The following COL25A1 variants were observed in gnomAD, a reference collection of about 807,000 sequenced individuals.
The protein encoded by COL25A1 is collagen type XXV alpha 1 chain.
A neutral mutation model predicts 128.4 loss-of-function variants in COL25A1; 103 were observed. The ratio of observed to expected loss-of-function variants is 0.80; its 90% CI spans 0.68 to 0.94. COL25A1 has a LOEUF of 0.94. Ranked by LOEUF, COL25A1 falls within the 40% of genes least tolerant of loss-of-function variation. The pLI is 0.00. For synonymous variants in COL25A1, 279 were observed against 277.2 expected (o/e 1.01, Z -0.06); for missense variants, 745 against 840.0 (o/e 0.89, Z 1.40).
At position 109,141,000 on chromosome 4, in the gene COL25A1, T is replaced by A. The variant is rs560412075; in HGVS notation, c.368-90821A>T. Among the ~76,000 whole-genome samples the A allele has an allele frequency of 1.0e-3, 155 of 152,256 alleles. 2 individuals are homozygous for A. The South Asian group carries it at 0.025, about 24-fold the overall frequency. On this transcript the variant is annotated intron_variant, in intron 3 of 37. Transcript: ENST00000399132. ...ATAGGAGTGGTGAGAGAGGACATCC[T>A]TATCTTGTGCCAGTTTTCAAAGGGA...
In COL25A1 at chr4:109,292,786, A is replaced by G. The variant is rs1560991322; in HGVS notation, c.367+7797T>C. Among the ~76,000 whole-genome samples, 5 of 152,070 alleles carry G rather than the reference A, an allele frequency of 3.3e-5. No individual in the cohort carries two copies. In the South Asian group the frequency reaches 8.3e-4, roughly 25 times the overall value. On this transcript the variant is annotated intron_variant, in intron 3 of 37. Coordinates refer to ENST00000399132, the MANE Select transcript of COL25A1 (RefSeq NM_198721.4). ...CCACTTGATTCCCAATCAAGTTGAT[A>G]ACCATCCTGAGAAAAGCAGTTATTT...
intron 3 of COL25A1, among the ~76,000 whole-genome samples, chr4:109,102,828 C>T (rs1766025988): frequency 1.3e-5 from 2 of 152,096 alleles, no homozygotes; most frequent in South Asian, 4.1e-4. Context: ...TTACTTTATG[C>T]TTACAGTCAG....
intron 3 of COL25A1, among the ~76,000 whole-genome samples, chr4:109,257,594 T>C (rs968774558): frequency 2.0e-5 from 3 of 152,198 alleles, no homozygotes; most frequent in African/African-American, 4.8e-5. Flanking sequence ...TTAGTGCTCA[T>C]AGCAACTCTA....
rs191030982 is a variant in COL25A1, at chr4:108,992,791, C to T, written c.438+17567G>A. Among the ~76,000 whole-genome samples, 45 of 151,952 alleles carry T rather than the reference C, an allele frequency of 3.0e-4. 1 individual carries two copies. The East Asian group carries it at 7.8e-3, about 26-fold the overall frequency. On this transcript the variant is annotated intron_variant, in intron 6 of 37. Transcript: ENST00000399132. Reference sequence around the variant, plus strand: ...GTCATTTAAATGGCACTATTTATGACACATGATATTACTGACTAGGTCATT... The same window carrying T: ...GTCATTTAAATGGCACTATTTATGATACATGATATTACTGACTAGGTCATT...
intron 3 of COL25A1, among the ~76,000 whole-genome samples, chr4:109,283,184 G>A (rs922673816): frequency 2.0e-5 from 3 of 152,118 alleles, no homozygotes; most frequent in Admixed American, 6.5e-5. Flanking sequence ...AAATATCCCT[G>A]TGTATTTGAG....
intron 3 of COL25A1, among the ~76,000 whole-genome samples, chr4:109,135,954 A>T (rs1186983257): frequency 1.3e-5 from 2 of 152,228 alleles, no homozygotes; most frequent in Non-Finnish European, 2.9e-5. Flanking sequence ...TGTAATCAAC[A>T]AGCACATAGT....
chr4:108,950,979 C>T (rs1031930147), intron 8 of COL25A1, among the ~76,000 whole-genome samples: 4 of 152,116 alleles, frequency 2.6e-5, no homozygotes, highest in East Asian at 3.9e-4. Flanking sequence ...AATTGAGACA[C>T]GTGAAGATGA....
At chr4:109,246,553 C>G (rs1200933158) in intron 3 of COL25A1, among the ~76,000 whole-genome samples, 3 of 152,118 alleles carry the variant, frequency 2.0e-5, no homozygotes, top group Admixed American at 1.3e-4. Flanking sequence ...ATAATTAGTA[C>G]ATCTATATCT....
chr4:108,918,231 G>T lies in COL25A1; in HGVS notation c.736-15C>A. 6.3e-7 allele frequency: 1 copy of T among 1,574,970 alleles called. No homozygotes were observed. Among genetic ancestry groups the T allele is most frequent in the Non-Finnish European group, 8.7e-7 (1 of 1,154,734 alleles). On this transcript the variant is annotated splice_polypyrimidine_tract_variant and intron_variant, in intron 12 of 37. Transcript: ENST00000399132. ...CCAATAGAACCCTAAAGAGACACAT[G>T]ATTAAATTCAGTTGATATCATACAC...
At chr4:108,869,931 T>G (rs1349240985) in intron 19 of COL25A1, among the ~76,000 whole-genome samples, 2 of 152,054 alleles carry the variant, frequency 1.3e-5, no homozygotes, top group Non-Finnish European at 2.9e-5. Context: ...TGAGCAGCAA[T>G]GTATAGAGAA....
intron 3 of COL25A1, among the ~76,000 whole-genome samples, chr4:109,253,612 G>A (rs926767863): frequency 2.0e-5 from 3 of 152,114 alleles, no homozygotes; most frequent in African/African-American, 7.2e-5. Context: ...GCCCAGCCAA[G>A]TTGACACACA....
chr4:109,237,071 T>C (rs1376910944), intron 3 of COL25A1, among the ~76,000 whole-genome samples: 1 of 152,084 alleles, frequency 6.6e-6, no homozygotes, highest in Admixed American at 6.6e-5. Flanking sequence ...ACCAGTTAGT[T>C]GAACATGCTA....
chr4:108,880,985 A>G (rs1436586536), intron 19 of COL25A1, among the ~76,000 whole-genome samples: 1 of 152,204 alleles, frequency 6.6e-6, no homozygotes, highest in Non-Finnish European at 1.5e-5. Context: ...CTCAAATCTT[A>G]TTCCAGAAGA....
chr4:109,301,667 A>G (rs542239710), intron 2 of COL25A1, 56 bp downstream of exon 2: 1 of 1,561,040 alleles, frequency 6.4e-7, no homozygotes. Context: ...TCATGCACAC[A>G]GAGTCACGCT....
intron 3 of COL25A1, among the ~76,000 whole-genome samples, chr4:109,277,179 C>A (rs182114065): frequency 1.2e-3 from 177 of 152,162 alleles, no homozygotes; most frequent in African/African-American, 4.1e-3. Context: ...ATTAATTATT[C>A]CCCCTTAGCC....
intron 3 of COL25A1, among the ~76,000 whole-genome samples, chr4:109,110,600 T>C (rs1216978608): frequency 6.6e-6 from 1 of 152,136 alleles, no homozygotes; most frequent in Non-Finnish European, 1.5e-5. Context: ...TCCAGACCCC[T>C]CAAATGTAAG....
chr4:109,131,356 T>C (rs1444404282), intron 3 of COL25A1, among the ~76,000 whole-genome samples: 8 of 152,202 alleles, frequency 5.3e-5, no homozygotes, highest in East Asian at 1.9e-4. Flanking sequence ...TGTATTTCCA[T>C]TGGACAGTAT....
At chr4:108,995,525 A>G (rs1229349444) in intron 6 of COL25A1, among the ~76,000 whole-genome samples, 1 of 152,208 alleles carries the variant, frequency 6.6e-6, no homozygotes, top group African/African-American at 2.4e-5. Flanking sequence ...GGAGAATGGA[A>G]CCAAATTAGA....
chr4:109,050,148 T>G lies in COL25A1; in HGVS notation c.399A>C (p.Arg133=), dbSNP rs1447890285. The G allele has an allele frequency of 8.7e-6, 14 of 1,609,210 alleles. No individual in the cohort carries two copies. The highest frequency in any genetic ancestry group is 1.2e-5 in the Non-Finnish European group (14 of 1,176,930). Residue 133 remains arginine, a synonymous_variant, in exon 4 of 38, where the codon CGA becomes CGC. Transcript: ENST00000399132. The part of the protein sequence containing the change: ...GPPGKRGKRG[R]RGESGPPGQP... ...AGAGAGACTTACCAGATTCTCCTCT[T>G]CGGCCTCTCTTACCTCGTTTCCCTG...
Sources: allele counts gnomAD v4.1 joint callset (sites outside exome capture counted in the v4.1 genomes callset), GRCh38; gene constraint gnomAD v4.1.1; transcripts MANE v1.5; gene names NCBI Gene and HGNC (gene_info 2026-07-23, HGNC 2026-07-21).